The following HSPH1 variants were observed in gnomAD, a reference collection of about 807,000 sequenced individuals.
HSPH1 encodes heat shock protein 105 kDa.
A neutral mutation model predicts 100.0 loss-of-function variants in HSPH1; 40 were observed. That is an observed-to-expected ratio of 0.40 (90% confidence interval 0.31 to 0.52). The LOEUF is 0.52. Ranked by LOEUF, HSPH1 falls within the 20% of genes least tolerant of loss-of-function variation. The pLI is 0.54. For synonymous variants in HSPH1, 403 were observed against 344.0 expected (o/e 1.17, Z -1.90); for missense variants, 876 against 1,015.1 (o/e 0.86, Z 1.86).
At chr13:31,138,345 A>C in intron 17 of HSPH1, 62 bp downstream of exon 17, 1 of 1,505,554 alleles carries the variant, frequency 6.6e-7, no homozygotes, top group Non-Finnish European at 9.1e-7. Flanking sequence ...TTGAAGGTTC[A>C]AATGATTGCA....
intron 5 of HSPH1, chr13:31,152,516 T>C (rs12429516): frequency 0.28 from 62,859 of 224,840 alleles, 9,535 homozygotes; most frequent in East Asian, 0.46. Context: ...CATTTACTTA[T>C]AAGCCAAGGT....
intron 2 of HSPH1, 42 bp downstream of exon 2, chr13:31,158,764 T>C: frequency 3.9e-6 from 5 of 1,267,902 alleles, no homozygotes; most frequent in Non-Finnish European, 5.8e-6. Context: ...TTTTAAAAAC[T>C]CCCCCCTTAA....
chr13:31,145,841 C>A, intron 10 of HSPH1, 73 bp from the exon 11 acceptor site: 2 of 1,407,790 alleles, frequency 1.4e-6, no homozygotes, highest in South Asian at 2.4e-5. Context: ...GTAGAGGAGG[C>A]CAGGTGGGTG....
chr13:31,139,850 C>T (rs145924909), intron 14 of HSPH1, among the ~76,000 whole-genome samples: 230 of 152,042 alleles, frequency 1.5e-3, no homozygotes, highest in African/African-American at 4.8e-3. Context: ...ATGACAGGAA[C>T]GCTACCAAGG....
At chr13:31,152,736 A>T (rs548177497) in intron 5 of HSPH1, 116 bp downstream of exon 5, 1 of 697,522 alleles carries the variant, frequency 1.4e-6, no homozygotes, top group East Asian at 2.7e-5. Context: ...TTTGTTTTCA[A>T]ATCTGACTTG....
At chr13:31,149,901 G>C in intron 8 of HSPH1, 53 bp downstream of exon 8, 8 of 1,391,484 alleles carry the variant, frequency 5.7e-6, no homozygotes, top group Non-Finnish European at 8.2e-6. Flanking sequence ...ACGACATCCA[G>C]TGGAAACTGT....
In HSPH1 at chr13:31,150,007, T is replaced by C. The variant is rs374103159; in HGVS notation, c.1084A>G (p.Ile362Val). The C allele has an allele frequency of 4.3e-6, 7 of 1,613,730 alleles. No homozygotes were observed. Among genetic ancestry groups the C allele is most frequent in the African/African-American group, 2.7e-5 (2 of 74,900 alleles). The change falls in exon 8 of 18, where the codon ATT (isoleucine) becomes GTT (valine). Residue 362 changes from isoleucine to valine, a missense_variant. By Grantham distance (29) the Ile-to-Val change is conservative. Coordinates refer to ENST00000320027, the MANE Select transcript of HSPH1 (RefSeq NM_006644.4). Reference protein sequence around the residue: ...ERIAKFFGKDISTTLNADEAV... With the variant: ...ERIAKFFGKDVSTTLNADEAV... ...TCATCTGCATTGAGTGTTGTGCTAA[T>C]ATCTTTTCCAAAGAATTTGGCAATT... is the stretch of plus-strand genomic sequence containing the variant.
Position 31,137,035 on chromosome 13 carries a change from G to A in HSPH1, c.*283C>T, listed in dbSNP as rs539043600. 1.1e-5 allele frequency: 6 copies of A among 543,454 alleles called. No individual in the cohort carries two copies. The East Asian group carries it at 2.6e-4, about 24-fold the overall frequency. 33.7% of individuals were successfully genotyped at this position (543,454 alleles called of 1,614,324 possible). A position where few individuals can be genotyped will look rare whatever the true frequency, so the allele number is the denominator to read the frequency against. Reference sequence around the variant, plus strand: ...GCAGTACAGTTTTTTTTCTCCAAAAGACAAAAGTCAGTTTCATCCTCAGTG... The same window carrying A: ...GCAGTACAGTTTTTTTTCTCCAAAAAACAAAAGTCAGTTTCATCCTCAGTG... On this transcript the variant is annotated 3_prime_UTR_variant, in exon 18 of 18. Coordinates refer to ENST00000320027, the MANE Select transcript of HSPH1 (RefSeq NM_006644.4).
In HSPH1 at chr13:31,137,240, T is replaced by A; in HGVS notation, c.*78A>T. ...TCCTTAAAAAAGAAAATATAAATAG[T>A]TTCAGTATGTTATGTAGAGTCACAT... is the stretch of plus-strand genomic sequence containing the variant. On this transcript the variant is annotated 3_prime_UTR_variant, in exon 18 of 18. Transcript: ENST00000320027. 1 of 845,650 alleles carries A rather than the reference T, an allele frequency of 1.2e-6. No individual in the cohort carries two copies. The highest frequency in any genetic ancestry group is 1.9e-6 in the Non-Finnish European group (1 of 517,018). The allele number at this position is 845,650 out of a possible 1,614,324, so 52.4% of individuals were successfully genotyped here. A position where few individuals can be genotyped will look rare whatever the true frequency, so the allele number is the denominator to read the frequency against.
At chr13:31,142,489 T>A (rs905615922) in intron 12 of HSPH1, among the ~76,000 whole-genome samples, 34 of 151,988 alleles carry the variant, frequency 2.2e-4, no homozygotes, top group Middle Eastern at 6.8e-3. Context: ...GAAAGAAAAA[T>A]GAATCCAATC....
In HSPH1 at chr13:31,138,484, C is replaced by G. The variant is rs764077935; in HGVS notation, c.2293G>C (p.Val765Leu). 17 of 1,613,086 alleles carry G rather than the reference C, an allele frequency of 1.1e-5. No homozygotes were observed. The highest frequency in any genetic ancestry group is 1.4e-5 in the Non-Finnish European group (17 of 1,179,210). Residue 765 changes from valine to leucine, a missense_variant, in exon 17 of 18, where the codon GTC becomes CTC. Physicochemically the swap from Val to Leu is conservative, Grantham distance 32. Transcript: ENST00000320027. ...CTCTTTTTAGCCTGAGCATTCATGA[C>G]ATTATTCATCCATTCCATCACTTCA... is the stretch of plus-strand genomic sequence containing the variant. ...VNEVMEWMNN[V>L]MNAQAKKSLD...
chr13:31,159,092 G>A (rs80169285), intron 1 of HSPH1, among the ~76,000 whole-genome samples: 304 of 148,746 alleles, frequency 2.0e-3, no homozygotes, highest in African/African-American at 7.2e-3. Flanking sequence ...ACCTCTGCTC[G>A]TGGCTCAGGA....
At chr13:31,149,629 T>G (rs1340448954) in intron 8 of HSPH1, among the ~76,000 whole-genome samples, 1 of 152,202 alleles carries the variant, frequency 6.6e-6, no homozygotes, top group East Asian at 1.9e-4. Flanking sequence ...AGATTACCAC[T>G]GTAATTCCCT....
rs1565990257 is a variant in HSPH1, at chr13:31,136,262, G to T, written c.*1056C>A. On this transcript the variant is annotated 3_prime_UTR_variant, in exon 18 of 18. Coordinates refer to ENST00000320027, the MANE Select transcript of HSPH1 (RefSeq NM_006644.4). ...CTACATTTATGCAGTTACAACACTT[G>T]ACTGTATTTACTAATTTCCCTGGCA... 2 of 152,118 alleles carry T rather than the reference G, an allele frequency of 1.3e-5. No homozygotes were observed. Among genetic ancestry groups the T allele is most frequent in the Non-Finnish European group, 2.9e-5 (2 of 68,024 alleles). The allele number at this position is 152,118 out of a possible 1,614,324, so 9.4% of individuals were successfully genotyped here. A position where few individuals can be genotyped will look rare whatever the true frequency, so the allele number is the denominator to read the frequency against.
At position 31,138,844 on chromosome 13, in the gene HSPH1, C is replaced by T; in HGVS notation, c.2145G>A (p.Met715Ile). Residue 715 changes from methionine to isoleucine, a missense_variant, in exon 16 of 18, where the codon ATG (methionine) becomes ATA (isoleucine). Transcript: ENST00000320027. Reference sequence around the variant, plus strand: ...GCAGCCTCTGTCCTAGTTCTTCAAACATTTTTGGCCGTTCTTCAGCTTCCT... The same window carrying T: ...GCAGCCTCTGTCCTAGTTCTTCAAATATTTTTGGCCGTTCTTCAGCTTCCT... Reference protein sequence around the residue: ...RFQEAEERPKMFEELGQRLQH... With the variant: ...RFQEAEERPKIFEELGQRLQH... 1.2e-6 allele frequency: 2 copies of T among 1,610,752 alleles called. No homozygotes were observed. Among genetic ancestry groups the T allele is most frequent in the Middle Eastern group, 1.7e-4 (1 of 6,048 alleles).
rs773698327 is a variant in HSPH1 at position 31,154,613 on chromosome 13, C to G, written c.429+20G>C. Reference sequence around the variant, plus strand: ...CGCAAAAATGAAATAAAACACACTGCCTTGCTGAATTATACTTACTGAAAT... The same window carrying G: ...CGCAAAAATGAAATAAAACACACTGGCTTGCTGAATTATACTTACTGAAAT... On this transcript the variant is annotated intron_variant, in intron 4 of 17. Transcript: ENST00000320027. 6.2e-7 allele frequency: 1 copy of G among 1,613,672 alleles called. No homozygotes were observed. The highest frequency in any genetic ancestry group is 1.1e-5 in the South Asian group (1 of 91,074).
chr13:31,144,516 A>T (rs997194773), intron 11 of HSPH1, among the ~76,000 whole-genome samples: 5 of 152,178 alleles, frequency 3.3e-5, no homozygotes, highest in African/African-American at 1.2e-4. Flanking sequence ...AATCCTAATT[A>T]AAAATTTGGT....
Position 31,135,734 on chromosome 13 carries a change from C to T in HSPH1, c.*1584G>A, listed in dbSNP as rs147112805. On this transcript the variant is annotated 3_prime_UTR_variant, in exon 18 of 18. Coordinates refer to ENST00000320027, the MANE Select transcript of HSPH1 (RefSeq NM_006644.4). ...GCATCAGAGCTGAGGAAATAAACCT[C>T]AGCAGTCAAGTGTTACTAAACCTCA... The T allele has an allele frequency of 2.0e-5, 3 of 152,334 alleles. No individual in the cohort carries two copies. Among genetic ancestry groups the T allele is most frequent in the Non-Finnish European group, 4.4e-5 (3 of 68,022 alleles). The allele number at this position is 152,334 out of a possible 1,614,324, so 9.4% of individuals were successfully genotyped here. A position where few individuals can be genotyped will look rare whatever the true frequency, so the allele number is the denominator to read the frequency against.
At chr13:31,160,118 C>T (rs1358642759) in intron 1 of HSPH1, among the ~76,000 whole-genome samples, 3 of 152,182 alleles carry the variant, frequency 2.0e-5, no homozygotes, top group African/African-American at 7.2e-5. Context: ...CACAGTAGTC[C>T]CTGTATAACA....
Sources: gnomAD v4.1 joint callset for allele counts (sites outside exome capture counted in the v4.1 genomes callset) on GRCh38, gnomAD v4.1.1 for gene constraint, MANE v1.5 for transcripts, NCBI Gene and HGNC (gene_info 2026-07-23, HGNC 2026-07-21) for gene names.